SPTBN2: variants seen among roughly 807,000 people sequenced by gnomAD.
SPTBN2 encodes the protein spectrin beta chain, non-erythrocytic 2.
SPTBN2 carries 107 observed loss-of-function variants against 284.2 expected under a neutral mutation model. That is an observed-to-expected ratio of 0.38 (90% confidence interval 0.32 to 0.44). The LOEUF (loss-of-function observed/expected upper bound fraction) is 0.44. Ranked by LOEUF, SPTBN2 falls within the 20% of genes least tolerant of loss-of-function variation. SPTBN2 has a pLI of 1.00. For missense variants in SPTBN2, 2,569 were observed against 3,287.1 expected (o/e 0.78, Z 5.34); for synonymous variants, 1,289 against 1,354.8 (o/e 0.95, Z 1.07).
chr11:66,696,230 C>T (rs1452619464), intron 21 of SPTBN2, 47 bp downstream of exon 21: 3 of 1,602,410 alleles, frequency 1.9e-6, no homozygotes, highest in African/African-American at 2.7e-5. Flanking sequence ...AAGCTGCAGC[C>T]CCTTTCTTCT....
intron 21 of SPTBN2, among the ~76,000 whole-genome samples, chr11:66,695,173 A>G (rs1940835766): frequency 6.6e-6 from 1 of 152,138 alleles, no homozygotes; most frequent in Non-Finnish European, 1.5e-5. Context: ...TACACTTCCC[A>G]TTCTGCATTC....
At chr11:66,699,136 C>T in intron 18 of SPTBN2, 54 bp from the exon 19 acceptor site, 1 of 1,604,314 alleles carries the variant, frequency 6.2e-7, no homozygotes, top group Non-Finnish European at 8.5e-7. Flanking sequence ...AGGATTGTGA[C>T]CCTTTGGCTA....
At chr11:66,726,867 A>G (rs1942636870) in intron 1 of SPTBN2, among the ~76,000 whole-genome samples, 1 of 152,178 alleles carries the variant, frequency 6.6e-6, no homozygotes, top group South Asian at 2.1e-4. Context: ...TAAAACGAAA[A>G]AGAAGTCACA....
Position 66,689,095 on chromosome 11 carries a change from C to T in SPTBN2, c.6034+1G>A. On this transcript the variant is annotated splice_donor_variant, in intron 30 of 37. Transcript: ENST00000533211. LOFTEE classifies it high-confidence loss of function. The stretch of plus-strand genomic sequence containing the variant: ...GGCCTGGGGCCCCCTTGGCAGCTCA[C>T]CCAGCTGAAGCCAGTCCATCTTCTC... The T allele has an allele frequency of 6.2e-7, 1 of 1,606,018 alleles. No homozygotes were observed. Among genetic ancestry groups the T allele is most frequent in the Non-Finnish European group, 8.5e-7 (1 of 1,175,854 alleles).
intron 1 of SPTBN2, among the ~76,000 whole-genome samples, chr11:66,722,489 T>G (rs1363237142): frequency 7.1e-6 from 1 of 141,320 alleles, no homozygotes; most frequent in Non-Finnish European, 1.5e-5. Context: ...GGCAGGAGAA[T>G]GGCGTGAACC....
chr11:66,691,778 G>T lies in SPTBN2; in HGVS notation c.5191-120C>A. 6.9e-7 allele frequency: 1 copy of T among 1,446,904 alleles called. No homozygotes were observed. The highest frequency in any genetic ancestry group is 1.2e-5 in the South Asian group (1 of 84,222). The allele number at this position is 1,446,904 out of a possible 1,614,324, so 89.6% of individuals were successfully genotyped here. ...CACCTCTCCCCGCTGCATGGGGGCC[G>T]GGACAGGTTTCTTCCCTGTGGTTAA... On this transcript the variant is annotated intron_variant, in intron 26 of 37. Coordinates refer to ENST00000533211, the MANE Select transcript of SPTBN2 (RefSeq NM_006946.4). This position sits in a 1 kb window ranked among gnomAD's most constrained non-coding sequence, Gnocchi z 8.0.
At chr11:66,722,941 C>T (rs916580520) in intron 1 of SPTBN2, among the ~76,000 whole-genome samples, 1 of 150,878 alleles carries the variant, frequency 6.6e-6, no homozygotes, top group East Asian at 1.9e-4. Flanking sequence ...TTCAAGGTCA[C>T]GCAGCCGGAA....
intron 1 of SPTBN2, among the ~76,000 whole-genome samples, chr11:66,741,051 G>C (rs541844751): frequency 2.0e-5 from 3 of 152,124 alleles, no homozygotes; most frequent in Admixed American, 1.3e-4. Flanking sequence ...CTTCTTATAG[G>C]GGGGCAGGGA....
At chr11:66,697,641 G>T (rs1940994036) in intron 20 of SPTBN2, among the ~76,000 whole-genome samples, 1 of 152,144 alleles carries the variant, frequency 6.6e-6, no homozygotes, top group African/African-American at 2.4e-5. Context: ...TCCATGGACT[G>T]CCCTGGATGT....
In SPTBN2 at chr11:66,683,130, G is replaced by C. The variant is rs1013504579; in HGVS notation, c.*2741C>G. Among the ~76,000 whole-genome samples the C allele has an allele frequency of 7.3e-6, 1 of 137,292 alleles. No individual in the cohort carries two copies. The highest frequency in any genetic ancestry group is 1.6e-5 in the Non-Finnish European group (1 of 63,704). 90.1% of individuals were successfully genotyped at this position (137,292 alleles called of 152,430 possible). ...TCACCCAGGCTGGAGCGCAGTGGCGGCATCTCGGCTCACTGCAAGCTCCGC... is the reference window on the plus strand; with the variant it reads ...TCACCCAGGCTGGAGCGCAGTGGCGCCATCTCGGCTCACTGCAAGCTCCGC... On this transcript the variant is annotated 3_prime_UTR_variant, in exon 38 of 38. Transcript: ENST00000533211.
Position 66,694,180 on chromosome 11 carries a change from G to A in SPTBN2, c.4462C>T (p.Arg1488Cys), listed in dbSNP as rs2135367650. The change falls in exon 22 of 38, where the codon CGC (arginine) becomes TGC (cysteine). Residue 1488 changes from arginine (R) to cysteine (C), a missense_variant. Coordinates refer to ENST00000533211, the MANE Select transcript of SPTBN2 (RefSeq NM_006946.4). ...TCGCGGTGGAACTGGTGCTGCTCGC[G>A]AGAAGCCTGCAGGCGCCGGCAGCGT... ...RERCRRLQAS[R>C]EQHQFHRDVE... 4 of 1,612,270 alleles carry A rather than the reference G, an allele frequency of 2.5e-6. No homozygotes were observed. Among genetic ancestry groups the A allele is most frequent in the South Asian group, 2.2e-5 (2 of 91,080 alleles).
At chr11:66,711,854 G>A (rs2135497506) in intron 8 of SPTBN2, among the ~76,000 whole-genome samples, 1 of 152,340 alleles carries the variant, frequency 6.6e-6, no homozygotes, top group Admixed American at 6.5e-5. Flanking sequence ...TGAAGCCTAT[G>A]TCTGTTGCTA....
chr11:66,688,226 C>G lies in SPTBN2; in HGVS notation c.6317G>C (p.Ser2106Thr). Reference protein sequence around the residue: ...KQPPAPEPTASVPPGDLVGGQ... With the variant: ...KQPPAPEPTATVPPGDLVGGQ... Reference sequence around the variant, plus strand: ...GCCCACCAGGTCCCCTGGAGGCACACTGGCTGTGGGTTCGGGAGCAGGCGG... The same window carrying G: ...GCCCACCAGGTCCCCTGGAGGCACAGTGGCTGTGGGTTCGGGAGCAGGCGG... The change falls in exon 32 of 38, where the codon AGT becomes ACT. Residue 2106 changes from serine (S) to threonine (T), a missense_variant. By Grantham distance (58) the Ser-to-Thr change is moderately conservative (BLOSUM62 1). This residue lies in a region of SPTBN2 where 1,130 missense variants were observed against 1,317.3 expected (regional missense o/e 0.86). Transcript: ENST00000533211. 6.2e-7 allele frequency: 1 copy of G among 1,613,834 alleles called. No individual in the cohort carries two copies. Among genetic ancestry groups the G allele is most frequent in the Non-Finnish European group, 8.5e-7 (1 of 1,180,040 alleles).
At chr11:66,704,515 T>C in intron 15 of SPTBN2, 83 bp downstream of exon 15, 1 of 1,491,412 alleles carries the variant, frequency 6.7e-7, no homozygotes, top group Non-Finnish European at 9.1e-7. Context: ...GCAGGAAGTT[T>C]ATGGAGGGAC....
chr11:66,714,056 C>A (rs1191561245), intron 7 of SPTBN2, 35 bp downstream of exon 7: 2 of 1,609,780 alleles, frequency 1.2e-6, no homozygotes, highest in Non-Finnish European at 8.5e-7. Flanking sequence ...GCCGACCCAG[C>A]AGCTCTGCTG....
intron 1 of SPTBN2, among the ~76,000 whole-genome samples, chr11:66,741,078 G>C (rs1942892477): frequency 6.6e-6 from 1 of 152,188 alleles, no homozygotes; most frequent in African/African-American, 2.4e-5. Flanking sequence ...CTCAGACAGA[G>C]GGTTTCTTTT....
intron 13 of SPTBN2, among the ~76,000 whole-genome samples, chr11:66,706,902 G>T (rs1034881745): frequency 1.3e-5 from 2 of 152,248 alleles, no homozygotes; most frequent in Non-Finnish European, 2.9e-5. Context: ...AAAGAGCTGG[G>T]ATTACAGGCA....
At position 66,718,802 on chromosome 11, in the gene SPTBN2, G is replaced by C. The variant is rs1017503473; in HGVS notation, c.157+2282C>G. On this transcript the variant is annotated intron_variant, in intron 3 of 37. Transcript: ENST00000533211. The surrounding 1 kb of genome is among the most constrained non-coding windows in gnomAD (Gnocchi z 4.8). ...GGGTGTCCCGAACTCCTGAGACAGA[G>C]AGTGGGGGCACGCCTGGCTGCGGTG... 3.3e-5 allele frequency among the ~76,000 whole-genome samples: 5 copies of C among 152,260 alleles called. No individual in the cohort carries two copies. The highest frequency in any genetic ancestry group is 6.5e-5 in the Admixed American group (1 of 15,292).
At position 66,705,177 on chromosome 11, in the gene SPTBN2, G is replaced by T. The variant is rs1166527580; in HGVS notation, c.2099C>A (p.Thr700Asn). The change falls in exon 15 of 38, where the codon ACC becomes AAC. Residue 700 changes from threonine to asparagine, a missense_variant. By Grantham distance (65) the Thr-to-Asn change is moderately conservative. Transcript: ENST00000533211. ...MSGRLGPLKL[T>N]LEQGQQLVAE... ...CACCAACTGCTGGCCCTGCTCCAGG[G>T]TGAGCTTCAGGGGCCCCAGCCGGCC... 8 of 1,535,410 alleles carry T rather than the reference G, an allele frequency of 5.2e-6. No homozygotes were observed. In the East Asian group the frequency reaches 1.7e-4, roughly 33 times the overall value.
Sources: gnomAD v4.1 joint callset for allele counts (sites outside exome capture counted in the v4.1 genomes callset) on GRCh38, gnomAD v4.1.1 for gene constraint, gnomAD v4.1.1 regional missense constraint, Gnocchi (gnomAD v3.1) non-coding constraint, MANE v1.5 for transcripts, NCBI Gene and HGNC (gene_info 2026-07-23, HGNC 2026-07-21) for gene names.